Variants in PSMC5 observed in about 807,000 individuals in gnomAD.
The protein encoded by PSMC5 is proteasome 26S subunit, ATPase 5, also known as 26S proteasome regulatory subunit 8.
PSMC5 carries 11 observed loss-of-function variants against 49.1 expected under a neutral mutation model. The observed-to-expected ratio is 0.22, with a 90% CI of 0.14 to 0.37. PSMC5 has a LOEUF of 0.37. Ranked by LOEUF, PSMC5 falls within the 10% of genes least tolerant of loss-of-function variation. The pLI, the probability that PSMC5 is intolerant of heterozygous loss-of-function variation, is 1.00. For synonymous variants in PSMC5, 206 were observed against 192.2 expected, an observed-to-expected ratio of 1.07 and a Z score of -0.59; for missense variants, 229 against 520.9, an observed-to-expected ratio of 0.44 and a Z score of 5.45.
Position 63,830,728 on chromosome 17 carries a change from G to A in PSMC5, c.553-81G>A, listed in dbSNP as rs1209601922. ...TTTTTGTATCCCTAACATCTAGCAA[G>A]GGACCCAGCACTCGGTAAATGTTCA... On this transcript the variant is annotated intron_variant, in intron 6 of 11. Transcript: ENST00000310144. The surrounding 1 kb of genome is among the most constrained non-coding windows in gnomAD (Gnocchi z 4.0). 5 of 1,550,874 alleles carry A rather than the reference G, an allele frequency of 3.2e-6. No homozygotes were observed. The East Asian group carries it at 1.1e-4, about 35-fold the overall frequency.
rs899839369 is a variant in PSMC5 at position 63,830,159 on chromosome 17, A to G, written c.291A>G (p.Val97=). Residue 97 remains valine, a synonymous_variant, in exon 5 of 12, where the codon GTA becomes GTG. Coordinates refer to ENST00000310144, the MANE Select transcript of PSMC5 (RefSeq NM_002805.6). This position sits in a 1 kb window ranked among gnomAD's most constrained non-coding sequence, Gnocchi z 4.0. ...VKVHPEGKFV[V]DVDKNIDIND... is the part of the protein sequence containing the mutation. ...TACATCCTGAAGGTAAATTTGTTGTAGACGTGGACAAAAACATTGACATCA... is the reference window on the plus strand; with the variant it reads ...TACATCCTGAAGGTAAATTTGTTGTGGACGTGGACAAAAACATTGACATCA... The G allele has an allele frequency of 6.2e-6, 10 of 1,614,132 alleles. No individual in the cohort carries two copies. The highest frequency in any genetic ancestry group is 1.7e-4 in the Middle Eastern group (1 of 6,056).
At position 63,831,377 on chromosome 17, in the gene PSMC5, C is replaced by T. The variant is rs912556941; in HGVS notation, c.921C>T (p.Arg307=). The T allele has an allele frequency of 6.2e-7, 1 of 1,613,994 alleles. No homozygotes were observed. Among genetic ancestry groups the T allele is most frequent in the Non-Finnish European group, 8.5e-7 (1 of 1,180,012 alleles). ...RIDILDSALL[R]PGRIDRKIEF... ...ATATCCTGGACTCGGCACTGCTTCG[C>T]CCAGGGCGCATTGACAGAAAAATTG... The change falls in exon 9 of 12, where the codon CGC becomes CGT. Residue 307 remains arginine, a synonymous_variant. Coordinates refer to ENST00000310144, the MANE Select transcript of PSMC5 (RefSeq NM_002805.6). The surrounding 1 kb of genome is among the most constrained non-coding windows in gnomAD (Gnocchi z 6.3).
Position 63,831,902 on chromosome 17 carries a change from T to C in PSMC5, c.1168-14T>C, listed in dbSNP as rs2040194186. On this transcript the variant is annotated splice_polypyrimidine_tract_variant and intron_variant, in intron 11 of 11. Transcript: ENST00000310144. The surrounding 1 kb of genome is among the most constrained non-coding windows in gnomAD (Gnocchi z 6.3). ...TGTTCGTAACTTAATGTTCATTCTC[T>C]CTCCCACCCCTAGGTCATGCAGAAG... The C allele has an allele frequency of 6.2e-7, 1 of 1,613,802 alleles. No homozygotes were observed. Among genetic ancestry groups the C allele is most frequent in the Non-Finnish European group, 8.5e-7 (1 of 1,179,776 alleles).
rs765828120 is a variant in PSMC5, at chr17:63,827,469, C to A, written c.-22C>A. The A allele has an allele frequency of 1.3e-6, 2 of 1,551,604 alleles. No individual in the cohort carries two copies. Among genetic ancestry groups the A allele is most frequent in the African/African-American group, 2.7e-5 (2 of 73,068 alleles). On this transcript the variant is annotated 5_prime_UTR_variant, in exon 1 of 12. Coordinates refer to ENST00000310144, the MANE Select transcript of PSMC5 (RefSeq NM_002805.6). ...CGCGCCAAGACGGCTCGGATGCCGGCGGTCTCTGCTGAAGAGAGAAGATGG... is the reference window on the plus strand; with the variant it reads ...CGCGCCAAGACGGCTCGGATGCCGGAGGTCTCTGCTGAAGAGAGAAGATGG...
At position 63,830,685 on chromosome 17, in the gene PSMC5, C is replaced by A; in HGVS notation, c.553-124C>A. 1 of 1,399,878 alleles carries A rather than the reference C, an allele frequency of 7.1e-7. No homozygotes were observed. The highest frequency in any genetic ancestry group is 9.3e-7 in the Non-Finnish European group (1 of 1,073,518). 86.7% of individuals were successfully genotyped at this position (1,399,878 alleles called of 1,614,324 possible). A position where few individuals can be genotyped will look rare whatever the true frequency, so the allele number is the denominator to read the frequency against. ...GTGAGGTGGTTTGGATAGAAGGGAC[C>A]TTGATGTTCCTTTTTTTTTTTTGTA... On this transcript the variant is annotated intron_variant, in intron 6 of 11. Coordinates refer to ENST00000310144, the MANE Select transcript of PSMC5 (RefSeq NM_002805.6). The surrounding 1 kb of genome is among the most constrained non-coding windows in gnomAD (Gnocchi z 4.0).
chr17:63,831,234 G>A lies in PSMC5; in HGVS notation c.870+8G>A, dbSNP rs558199818. 1.3e-6 allele frequency: 2 copies of A among 1,593,732 alleles called. No individual in the cohort carries two copies. The highest frequency in any genetic ancestry group is 1.3e-5 in the African/African-American group (1 of 74,480). On this transcript the variant is annotated splice_region_variant and intron_variant, in intron 8 of 11. Coordinates refer to ENST00000310144, the MANE Select transcript of PSMC5 (RefSeq NM_002805.6). This position sits in a 1 kb window ranked among gnomAD's most constrained non-coding sequence, Gnocchi z 6.3. ...GCCACCAAGAACATCAAGGTAAGGT[G>A]GTAGCATCCTTGGGATGGGCCCAGG...
In PSMC5 at chr17:63,831,984, T is replaced by G. The variant is rs2040195691; in HGVS notation, c.*15T>G. The G allele has an allele frequency of 1.2e-6, 2 of 1,611,106 alleles. No homozygotes were observed. Among genetic ancestry groups the G allele is most frequent in the East Asian group, 4.5e-5 (2 of 44,876 alleles). ...TATGGAAGTGAGTGGACAGCCTTTG[T>G]GTGTATCTCTCCAATAAAGCTCTGT... On this transcript the variant is annotated 3_prime_UTR_variant, in exon 12 of 12. Coordinates refer to ENST00000310144, the MANE Select transcript of PSMC5 (RefSeq NM_002805.6). This position sits in a 1 kb window ranked among gnomAD's most constrained non-coding sequence, Gnocchi z 6.3.
In PSMC5 at chr17:63,830,614, T is replaced by C. The variant is rs1051166975; in HGVS notation, c.552+113T>C. The C allele has an allele frequency of 7.3e-6, 11 of 1,504,482 alleles. No individual in the cohort carries two copies. The highest frequency in any genetic ancestry group is 2.1e-5 in the Admixed American group (1 of 48,482). The allele number at this position is 1,504,482 out of a possible 1,614,324, so 93.2% of individuals were successfully genotyped here. A position where few individuals can be genotyped will look rare whatever the true frequency, so the allele number is the denominator to read the frequency against. The stretch of plus-strand genomic sequence containing the variant: ...GGGATAGGCTGCATCTTGCTTGGGC[T>C]GGCCCTCCCCCTGAAAAGAGTGGCT... On this transcript the variant is annotated intron_variant, in intron 6 of 11. Coordinates refer to ENST00000310144, the MANE Select transcript of PSMC5 (RefSeq NM_002805.6). This position sits in a 1 kb window ranked among gnomAD's most constrained non-coding sequence, Gnocchi z 4.0.
In PSMC5 at chr17:63,830,929, G is replaced by C. The variant is rs769914700; in HGVS notation, c.673G>C (p.Gly225Arg). The change falls in exon 7 of 12, where the codon GGG becomes CGG. Residue 225 changes from glycine (G) to arginine (R), a missense_variant. Transcript: ENST00000310144. The surrounding 1 kb of genome is among the most constrained non-coding windows in gnomAD (Gnocchi z 4.0). ...CTCTGAACTGGTACAGAAATTCATAGGGGAAGGTAACCATGGCTAGCAATG... is the reference window on the plus strand; with the variant it reads ...CTCTGAACTGGTACAGAAATTCATACGGGAAGGTAACCATGGCTAGCAATG... Reference protein sequence around the residue: ...SGSELVQKFIGEGARMVRELF... With the variant: ...SGSELVQKFIREGARMVRELF... 6.2e-7 allele frequency: 1 copy of C among 1,614,058 alleles called. No individual in the cohort carries two copies. The highest frequency in any genetic ancestry group is 8.5e-7 in the Non-Finnish European group (1 of 1,179,988).
rs758856262 is a variant in PSMC5, at chr17:63,828,093, C to T, written c.25-45C>T. 4 of 1,609,854 alleles carry T rather than the reference C, an allele frequency of 2.5e-6. No homozygotes were observed. In the South Asian group the frequency reaches 4.4e-5, roughly 18 times the overall value. ...AGTGCCCTGCAAGTGGCTTTACCCC[C>T]TCGGATGTTTAACCTGTCGTTTAAG... is the stretch of plus-strand genomic sequence containing the variant. On this transcript the variant is annotated intron_variant, in intron 1 of 11. Transcript: ENST00000310144.
chr17:63,830,693 T>C lies in PSMC5; in HGVS notation c.553-116T>C, dbSNP rs2040172673. On this transcript the variant is annotated intron_variant, in intron 6 of 11. Transcript: ENST00000310144. The surrounding 1 kb of genome is among the most constrained non-coding windows in gnomAD (Gnocchi z 4.0). ...GTTTGGATAGAAGGGACCTTGATGT[T>C]CCTTTTTTTTTTTTGTATCCCTAAC... 1 of 1,365,572 alleles carries C rather than the reference T, an allele frequency of 7.3e-7. No homozygotes were observed. The highest frequency in any genetic ancestry group is 2.6e-5 in the African/African-American group (1 of 38,762). The allele number at this position is 1,365,572 out of a possible 1,614,324, so 84.6% of individuals were successfully genotyped here. A position where few individuals can be genotyped will look rare whatever the true frequency, so the allele number is the denominator to read the frequency against.
intron 1 of PSMC5, chr17:63,827,758 A>G: frequency 1.4e-6 from 2 of 1,431,382 alleles, no homozygotes; most frequent in Non-Finnish European, 1.8e-6. Context: ...GGGCGCGGGA[A>G]TGGCCGGCCC....
chr17:63,830,091 T>A lies in PSMC5; in HGVS notation c.265-42T>A, dbSNP rs1485675482. On this transcript the variant is annotated intron_variant, in intron 4 of 11. Transcript: ENST00000310144. The surrounding 1 kb of genome is among the most constrained non-coding windows in gnomAD (Gnocchi z 4.0). ...GGTCTTCCTGGGTAGGATTAGTGAT[T>A]TGGTGGCTGTCAAGGAAGGTCATGA... The A allele has an allele frequency of 6.2e-7, 1 of 1,602,924 alleles. No homozygotes were observed. The highest frequency in any genetic ancestry group is 1.3e-5 in the African/African-American group (1 of 74,648).
At chr17:63,827,611 G>A in intron 1 of PSMC5, 97 bp downstream of exon 1, 1 of 1,549,018 alleles carries the variant, frequency 6.5e-7, no homozygotes, top group East Asian at 2.4e-5. Context: ...AGCGTCGGGT[G>A]GGTCGGAGGT....
In PSMC5 at chr17:63,830,907, TGAACTGGTACA is replaced by T; in HGVS notation, c.655_665del (p.Leu219IlefsTer46). The T allele has an allele frequency of 6.2e-7, 1 of 1,614,028 alleles. No individual in the cohort carries two copies. The highest frequency in any genetic ancestry group is 2.2e-5 in the East Asian group (1 of 44,874). On this transcript the variant is annotated frameshift_variant, in exon 7 of 12. Coordinates refer to ENST00000310144, the MANE Select transcript of PSMC5 (RefSeq NM_002805.6). LOFTEE classifies it high-confidence loss of function. The surrounding 1 kb of genome is among the most constrained non-coding windows in gnomAD (Gnocchi z 4.0). ...GTACCTTTATTCGTGTCTCTGGCTC[TGAACTGGTACA>T]GAAATTCATAGGGGAAGGTAACCAT...
rs2040175065 is a variant in PSMC5 at position 63,830,801 on chromosome 17, C to T, written c.553-8C>T. On this transcript the variant is annotated splice_region_variant and splice_polypyrimidine_tract_variant and intron_variant, in intron 6 of 11. Transcript: ENST00000310144. The surrounding 1 kb of genome is among the most constrained non-coding windows in gnomAD (Gnocchi z 4.0). ...CTTTCTGCCCTGAGTCCTGCTGTTC[C>T]CCTGTAGGGAGTGCTGCTGTATGGA... 6.2e-7 allele frequency: 1 copy of T among 1,613,752 alleles called. No homozygotes were observed. The highest frequency in any genetic ancestry group is 1.1e-5 in the South Asian group (1 of 91,068).
In PSMC5 at chr17:63,827,480, G is replaced by T; in HGVS notation, c.-11G>T. 1 of 1,551,752 alleles carries T rather than the reference G, an allele frequency of 6.4e-7. No individual in the cohort carries two copies. Among genetic ancestry groups the T allele is most frequent in the Non-Finnish European group, 8.7e-7 (1 of 1,147,008 alleles). ...GGCTCGGATGCCGGCGGTCTCTGCT[G>T]AAGAGAGAAGATGGCGCTTGACGGA... On this transcript the variant is annotated 5_prime_UTR_variant, in exon 1 of 12. It introduces an in-frame stop codon into an upstream open reading frame of the 5' UTR. Transcript: ENST00000310144.
intron 1 of PSMC5, 102 bp downstream of exon 1, chr17:63,827,616 G>A: frequency 2.6e-6 from 4 of 1,547,806 alleles, no homozygotes; most frequent in Non-Finnish European, 3.5e-6. Context: ...CGGGTGGGTC[G>A]GAGGTGCCTG....
At position 63,829,494 on chromosome 17, in the gene PSMC5, C is replaced by T. The variant is rs1301205613; in HGVS notation, c.97C>T (p.Leu33=). The T allele has an allele frequency of 1.9e-6, 3 of 1,553,612 alleles. No individual in the cohort carries two copies. The East Asian group carries it at 7.3e-5, about 38-fold the overall frequency. ...GGAATTTGTCTCTTGTCTGCCACAG[C>T]TGATTGTGAATGATAAGAGCCAAAA... ...YYLSKIEELQ[L]IVNDKSQNLR... The change falls in exon 3 of 12, where the codon CTG becomes TTG. Residue 33 remains leucine (L), a splice_region_variant and synonymous_variant. Coordinates refer to ENST00000310144, the MANE Select transcript of PSMC5 (RefSeq NM_002805.6).
Sources: allele counts gnomAD v4.1 joint callset, GRCh38; gene constraint gnomAD v4.1.1; non-coding constraint Gnocchi (gnomAD v3.1); transcripts MANE v1.5; gene names NCBI Gene and HGNC (gene_info 2026-07-23, HGNC 2026-07-21).